Variants in NAV3 observed in about 807,000 individuals in gnomAD.
NAV3 encodes the protein pore membrane and/or filament interacting like protein 1.
In NAV3, 87 loss-of-function variants were observed where a neutral mutation model predicts 244.7. The ratio of observed to expected loss-of-function variants is 0.36; its 90% CI spans 0.30 to 0.42. The LOEUF (loss-of-function observed/expected upper bound fraction) is 0.42. Among genes scored for constraint, NAV3 ranks in the 20% least tolerant of loss-of-function variants. NAV3 has a pLI of 1.00. For missense variants in NAV3, 2,663 were observed against 2,893.3 expected (o/e 0.92, Z 1.83); for synonymous variants, 1,126 against 1,042.2 (o/e 1.08, Z -1.55).
intron 23 of NAV3, among the ~76,000 whole-genome samples, chr12:78,164,042 A>C (rs1957678089): frequency 6.6e-6 from 1 of 152,124 alleles, no homozygotes; most frequent in African/African-American, 2.4e-5. Context: ...CAGTTGAGAA[A>C]GGCTCAACTT....
intron 30 of NAV3, among the ~76,000 whole-genome samples, chr12:78,181,564 A>G (rs1391391082): frequency 6.6e-6 from 1 of 152,076 alleles, no homozygotes; most frequent in African/African-American, 2.4e-5. Context: ...TACAGTTTTG[A>G]TTTGATTGCA....
chr12:78,129,845 T>C (rs1956085842), intron 18 of NAV3, among the ~76,000 whole-genome samples: 1 of 152,152 alleles, frequency 6.6e-6, no homozygotes, highest in East Asian at 1.9e-4. Flanking sequence ...CTTTATAATT[T>C]ACCTTTGTCA....
intron 6 of NAV3, among the ~76,000 whole-genome samples, chr12:77,995,246 C>T (rs952965912): frequency 1.1e-4 from 16 of 152,086 alleles, no homozygotes; most frequent in African/African-American, 3.4e-4. Context: ...AATTATTGCA[C>T]ATTTTAATGG....
intron 2 of NAV3, among the ~76,000 whole-genome samples, chr12:77,758,771 T>G (rs546620089): frequency 5.9e-5 from 9 of 152,330 alleles, no homozygotes; most frequent in African/African-American, 1.9e-4. Context: ...TACCTGTTTT[T>G]GGAAATAAAT....
At chr12:77,700,845 C>A (rs1875527926) in intron 2 of NAV3, among the ~76,000 whole-genome samples, 1 of 151,766 alleles carries the variant, frequency 6.6e-6, no homozygotes. Flanking sequence ...TAGTTAATTG[C>A]ATTTATTGGC....
At chr12:77,689,390 A>T (rs1874902885) in intron 2 of NAV3, among the ~76,000 whole-genome samples, 1 of 151,916 alleles carries the variant, frequency 6.6e-6, no homozygotes, top group African/African-American at 2.4e-5. Context: ...TGAAAATTGT[A>T]ACTAAAAATA....
intron 12 of NAV3, among the ~76,000 whole-genome samples, chr12:78,061,658 A>G (rs1016972214): frequency 7.2e-5 from 11 of 152,134 alleles, no homozygotes; most frequent in African/African-American, 2.4e-4. Context: ...TTTAAAATAC[A>G]TGGTCTTAAA....
chr12:78,198,015 G>A (rs888906039), intron 35 of NAV3, among the ~76,000 whole-genome samples: 5 of 151,664 alleles, frequency 3.3e-5, no homozygotes, highest in Non-Finnish European at 7.4e-5. Flanking sequence ...TAAAAGGAAA[G>A]GTTAAAGTAA....
chr12:78,181,195 A>G (rs1958484702), intron 30 of NAV3, 150 bp downstream of exon 30: 2 of 668,314 alleles, frequency 3.0e-6, no homozygotes, highest in Admixed American at 3.4e-5. Flanking sequence ...AATCTAGTCT[A>G]CTTAGTTATA....
chr12:78,036,473 T>C (rs575462749), intron 9 of NAV3: 1 of 170,764 alleles, frequency 5.9e-6, no homozygotes, highest in African/African-American at 2.4e-5. Context: ...CAGCTCGTGC[T>C]TCACCTCCTG....
chr12:77,641,519 A>G (rs1872410724), intron 2 of NAV3, among the ~76,000 whole-genome samples: 1 of 152,136 alleles, frequency 6.6e-6, no homozygotes, highest in Admixed American at 6.6e-5. Context: ...AAATTATAAT[A>G]AAAAGGAATT....
At chr12:78,123,173 C>T (rs1420984082) in intron 16 of NAV3, among the ~76,000 whole-genome samples, 2 of 152,032 alleles carry the variant, frequency 1.3e-5, no homozygotes, top group African/African-American at 4.8e-5. Context: ...TGTACTGACT[C>T]TTACCACCAG....
At chr12:78,080,664 T>C (rs1953299366) in intron 12 of NAV3, among the ~76,000 whole-genome samples, 2 of 152,218 alleles carry the variant, frequency 1.3e-5, no homozygotes, top group East Asian at 3.9e-4. Context: ...GGAGTTTTTC[T>C]AAGATATTGG....
intron 9 of NAV3, 59 bp downstream of exon 9, chr12:78,021,921 G>A: frequency 9.3e-7 from 1 of 1,078,630 alleles, no homozygotes; most frequent in South Asian, 1.4e-5. Flanking sequence ...CTCTCCATAA[G>A]ACTTTTTATT....
At chr12:77,710,479 G>A (rs1876053730) in intron 2 of NAV3, among the ~76,000 whole-genome samples, 1 of 151,982 alleles carries the variant, frequency 6.6e-6, no homozygotes, top group Non-Finnish European at 1.5e-5. Context: ...TTCTTGTGAT[G>A]TTGAAACTCA....
At chr12:77,580,087 C>G (rs905177222) in intron 2 of NAV3, among the ~76,000 whole-genome samples, 1 of 152,066 alleles carries the variant, frequency 6.6e-6, no homozygotes, top group Non-Finnish European at 1.5e-5. Flanking sequence ...TGAATGGCTT[C>G]CTAGTTTGCT....
chr12:78,016,549 G>A (rs762147648), intron 8 of NAV3, among the ~76,000 whole-genome samples: 1 of 152,150 alleles, frequency 6.6e-6, no homozygotes, highest in Non-Finnish European at 1.5e-5. Context: ...CCTTGGCCCT[G>A]TCTGTCACCT....
chr12:77,876,789 T>A (rs1418956197), intron 1 of NAV3, among the ~76,000 whole-genome samples: 1 of 152,112 alleles, frequency 6.6e-6, no homozygotes, highest in Non-Finnish European at 1.5e-5. Context: ...TTTATTAGGA[T>A]TTAGGATTAA....
chr12:77,794,196 T>C (rs908671592), intron 2 of NAV3, among the ~76,000 whole-genome samples: 1 of 152,244 alleles, frequency 6.6e-6, no homozygotes, highest in African/African-American at 2.4e-5. Flanking sequence ...GTAAATTTTT[T>C]AAAGTTCCTT....
Sources: gnomAD v4.1 joint callset for allele counts (sites outside exome capture counted in the v4.1 genomes callset) on GRCh38, gnomAD v4.1.1 for gene constraint, MANE v1.5 for transcripts, NCBI Gene and HGNC (gene_info 2026-07-23, HGNC 2026-07-21) for gene names.